Variants in ENPP2 observed in about 807,000 individuals in gnomAD.
The protein encoded by ENPP2 is autotaxin.
ENPP2 carries 51 observed loss-of-function variants against 120.2 expected under a neutral mutation model. The observed-to-expected ratio is 0.42, with a 90% CI of 0.34 to 0.54. The LOEUF (loss-of-function observed/expected upper bound fraction) is 0.54, where lower values mean the gene tolerates loss of function less well. Among genes scored for constraint, ENPP2 ranks in the 20% least tolerant of loss-of-function variants. ENPP2 has a pLI of 0.04. For missense variants in ENPP2, 920 were observed against 1,066.5 expected, an observed-to-expected ratio of 0.86 and a Z score of 1.91; for synonymous variants, 365 against 366.4, an observed-to-expected ratio of 1.00 and a Z score of 0.04.
intron 1 of ENPP2, among the ~76,000 whole-genome samples, chr8:119,654,915 C>T (rs1334788983): frequency 6.6e-6 from 1 of 151,938 alleles, no homozygotes; most frequent in African/African-American, 2.4e-5. Context: ...CCTATAATAA[C>T]CAAAAAAGAG....
intron 10 of ENPP2, 141 bp downstream of exon 10, chr8:119,601,256 G>A: frequency 1.6e-6 from 1 of 615,028 alleles, no homozygotes; most frequent in East Asian, 2.8e-5. Flanking sequence ...CCTTCTTAGG[G>A]AAGTAACACT....
chr8:119,576,477 C>T (rs966551567), intron 19 of ENPP2, among the ~76,000 whole-genome samples: 3 of 152,164 alleles, frequency 2.0e-5, no homozygotes, highest in African/African-American at 4.8e-5. Context: ...ACTAACTTCT[C>T]ATTGTGTATG....
chr8:119,604,012 CTTTT>C (rs35136821), intron 9 of ENPP2, among the ~76,000 whole-genome samples: 7,919 of 136,568 alleles, frequency 0.058, 322 homozygotes, highest in Non-Finnish European at 0.084. Flanking sequence ...CAATCTCTCT[CTTTT>C]TTTTTTTTTT....
intron 2 of ENPP2, among the ~76,000 whole-genome samples, chr8:119,637,572 A>G (rs1817075325): frequency 1.3e-5 from 2 of 152,230 alleles, no homozygotes. Flanking sequence ...AATTCACAGG[A>G]AGACAGACAA....
At position 119,590,510 on chromosome 8, in the gene ENPP2, G is replaced by A. The variant is rs768702907; in HGVS notation, c.1202C>T (p.Ala401Val). The A allele has an allele frequency of 5.6e-6, 9 of 1,596,800 alleles. No individual in the cohort carries two copies. Among genetic ancestry groups the A allele is most frequent in the South Asian group, 3.4e-5 (3 of 87,708 alleles). The stretch of plus-strand genomic sequence containing the variant: ...TATTTTAAGAATCAACTTACATTTA[G>A]CATTGTTGCTAAATTTGGATCGAAT... The part of the protein sequence containing the change: ...GRIRSKFSNN[A>V]KYDPKAIIAN... The change falls in exon 13 of 25, where the codon GCT becomes GTT. Residue 401 changes from alanine to valine, a missense_variant. Coordinates refer to ENST00000075322, the MANE Select transcript of ENPP2 (RefSeq NM_001040092.3).
In ENPP2 at chr8:119,607,674, C is replaced by CAAA. The variant is rs56095103; in HGVS notation, c.833+245_833+247dup. ...TGGGTGACAGGGCAAGACTCCATCT[C>CAAA]AAAAAAAAAAAAAATAGAGAGAGAC... On this transcript the variant is annotated intron_variant, in intron 9 of 24. Transcript: ENST00000075322. Among the ~76,000 whole-genome samples the CAAA allele has an allele frequency of 5.3e-4, 52 of 98,708 alleles. 1 individual carries two copies. The highest frequency in any genetic ancestry group is 1.6e-3 in the African/African-American group (47 of 28,954). 64.8% of individuals were successfully genotyped at this position (98,708 alleles called of 152,430 possible).
chr8:119,649,725 T>C (rs1226275336), intron 1 of ENPP2, among the ~76,000 whole-genome samples: 1 of 152,138 alleles, frequency 6.6e-6, no homozygotes, highest in Non-Finnish European at 1.5e-5. Flanking sequence ...AGACATATAA[T>C]CCAATTTTTA....
intron 11 of ENPP2, among the ~76,000 whole-genome samples, chr8:119,598,874 G>A (rs1237199538): frequency 5.9e-5 from 9 of 152,268 alleles, no homozygotes; most frequent in African/African-American, 9.6e-5. Flanking sequence ...GCAGCCAAGC[G>A]AAAGTACCGG....
chr8:119,602,434 G>A (rs1428988582), intron 9 of ENPP2, among the ~76,000 whole-genome samples: 1 of 145,286 alleles, frequency 6.9e-6, no homozygotes, highest in Admixed American at 6.9e-5. Context: ...TACAGCCTGG[G>A]CAACAAGAGT....
At chr8:119,646,249 A>G (rs1289028280) in intron 1 of ENPP2, among the ~76,000 whole-genome samples, 2 of 152,136 alleles carry the variant, frequency 1.3e-5, no homozygotes, top group Non-Finnish European at 2.9e-5. Flanking sequence ...GATTACAGGC[A>G]TGAGCCAGCG....
Position 119,567,130 on chromosome 8 carries a change from C to T in ENPP2, c.2131+1045G>A, listed in dbSNP as rs182848298. The stretch of plus-strand genomic sequence containing the variant: ...GAACCTCCTCCATCAAGTTGAAGCA[C>T]ATAGAGGTGCTTCCTTTTCCTACCT... On this transcript the variant is annotated intron_variant, in intron 22 of 24. Coordinates refer to ENST00000075322, the MANE Select transcript of ENPP2 (RefSeq NM_001040092.3). Among the ~76,000 whole-genome samples, 4 of 152,304 alleles carry T rather than the reference C, an allele frequency of 2.6e-5. No homozygotes were observed. The East Asian group carries it at 7.7e-4, about 29-fold the overall frequency.
At chr8:119,598,368 A>C (rs1378781766) in intron 11 of ENPP2, among the ~76,000 whole-genome samples, 1 of 152,220 alleles carries the variant, frequency 6.6e-6, no homozygotes, top group Non-Finnish European at 1.5e-5. Context: ...AAGTAGTAAT[A>C]CTGAAAAAAA....
intron 15 of ENPP2, 146 bp downstream of exon 15, chr8:119,586,040 G>A (rs1342551519): frequency 1.2e-5 from 10 of 853,074 alleles, no homozygotes; most frequent in Admixed American, 5.1e-5. Context: ...AGCACTGATG[G>A]TTTATGTAGC....
intron 1 of ENPP2, among the ~76,000 whole-genome samples, chr8:119,644,619 T>TACAC (rs1380160434): frequency 5.6e-5 from 6 of 106,622 alleles, no homozygotes; most frequent in African/African-American, 2.3e-4. Context: ...TATATATATA[T>TACAC]ATATATACAC....
intron 13 of ENPP2, among the ~76,000 whole-genome samples, chr8:119,589,276 CTGAGA>C (rs1813335639): frequency 6.6e-6 from 1 of 152,202 alleles, no homozygotes; most frequent in African/African-American, 2.4e-5. Flanking sequence ...CCGAGCAGAG[CTGAGA>C]TATGAACCCA....
intron 2 of ENPP2, among the ~76,000 whole-genome samples, chr8:119,633,356 T>C (rs1324342776): frequency 6.6e-6 from 1 of 152,246 alleles, no homozygotes; most frequent in Non-Finnish European, 1.5e-5. Flanking sequence ...TACTGCTCTC[T>C]ATCTGTTCCT....
chr8:119,604,187 C>G (rs1169175220), intron 9 of ENPP2, among the ~76,000 whole-genome samples: 1 of 152,090 alleles, frequency 6.6e-6, no homozygotes, highest in Non-Finnish European at 1.5e-5. Context: ...GCCACCACGC[C>G]TGGCTAATTT....
upstream of ENPP2, among the ~76,000 whole-genome samples, chr8:119,639,971 C>T (rs1262602788): frequency 1.3e-5 from 2 of 152,060 alleles, no homozygotes; most frequent in Admixed American, 6.5e-5. Context: ...TCTTTTCTTC[C>T]GCAGCACATG....
At chr8:119,598,879 T>C (rs1173441078) in intron 11 of ENPP2, among the ~76,000 whole-genome samples, 1 of 152,170 alleles carries the variant, frequency 6.6e-6, no homozygotes, top group East Asian at 1.9e-4. Flanking sequence ...CAAGCGAAAG[T>C]ACCGGAGTCC....
Sources: gnomAD v4.1 joint callset for allele counts (sites outside exome capture counted in the v4.1 genomes callset) on GRCh38, gnomAD v4.1.1 for gene constraint, MANE v1.5 for transcripts, NCBI Gene and HGNC (gene_info 2026-07-23, HGNC 2026-07-21) for gene names.